SNX10: variants seen among roughly 807,000 people sequenced by gnomAD.
The protein encoded by SNX10 is sorting nexin 10, also known as sorting nexin-10.
SNX10 carries 25 observed loss-of-function variants against 28.5 expected under a neutral mutation model. That is an observed-to-expected ratio of 0.88 (90% confidence interval 0.64 to 1.22). The LOEUF is 1.22. SNX10 is among the 50% of genes most tolerant of loss of function. SNX10 has a pLI of 0.00. For missense variants in SNX10, 223 were observed against 242.6 expected (o/e 0.92, Z 0.54); for synonymous variants, 62 against 81.4 (o/e 0.76, Z 1.28).
At chr7:26,330,764 A>G (rs563865624) in intron 1 of SNX10, among the ~76,000 whole-genome samples, 1 of 152,276 alleles carries the variant, frequency 6.6e-6, no homozygotes, top group African/African-American at 2.4e-5. Flanking sequence ...ATGCACCTGT[A>G]GTCGCAGCTA....
intron 1 of SNX10, among the ~76,000 whole-genome samples, chr7:26,315,911 G>A (rs565287700): frequency 1.3e-5 from 2 of 151,772 alleles, no homozygotes; most frequent in Non-Finnish European, 2.9e-5. Context: ...GGCTGGGCGC[G>A]ATGGCTCACT....
intron 1 of SNX10, among the ~76,000 whole-genome samples, chr7:26,325,549 C>T (rs766322325): frequency 1.4e-5 from 2 of 146,204 alleles, no homozygotes; most frequent in Non-Finnish European, 3.0e-5. Context: ...CCTAACTTTC[C>T]TAACTTCAAG....
At chr7:26,297,492 G>A (rs1165267946) in intron 1 of SNX10, among the ~76,000 whole-genome samples, 1 of 152,168 alleles carries the variant, frequency 6.6e-6, no homozygotes, top group Non-Finnish European at 1.5e-5. Flanking sequence ...CTAATTTCAT[G>A]AAAGATTATA....
chr7:26,313,746 A>G (rs1224850988), intron 1 of SNX10, among the ~76,000 whole-genome samples: 1 of 152,088 alleles, frequency 6.6e-6, no homozygotes, highest in African/African-American at 2.4e-5. Context: ...TGTGAAATTG[A>G]GCCGTCATCA....
intron 2 of SNX10, among the ~76,000 whole-genome samples, chr7:26,357,454 A>G (rs1366999288): frequency 6.6e-6 from 1 of 151,990 alleles, no homozygotes; most frequent in African/African-American, 2.4e-5. Flanking sequence ...TTTGAAGATA[A>G]GCAGAGTGAA....
Position 26,313,187 on chromosome 7 carries a change from T to C in SNX10, c.-24+21101T>C, listed in dbSNP as rs1333562039. 2.0e-5 allele frequency among the ~76,000 whole-genome samples: 3 copies of C among 152,338 alleles called. No individual in the cohort carries two copies. The East Asian group carries it at 5.8e-4, about 29-fold the overall frequency. On this transcript the variant is annotated intron_variant, in intron 1 of 6. Coordinates refer to ENST00000338523, the MANE Select transcript of SNX10 (RefSeq NM_013322.3). ...AGAGAACGAGGCTAACTAAAAACCATTTAGCAGATACCTGCCCCCACTTTT... is the reference window on the plus strand; with the variant it reads ...AGAGAACGAGGCTAACTAAAAACCACTTAGCAGATACCTGCCCCCACTTTT...
intron 2 of SNX10, 84 bp downstream of exon 2, chr7:26,346,550 A>G (rs1774763125): frequency 1.9e-6 from 2 of 1,057,500 alleles, no homozygotes; most frequent in South Asian, 1.3e-5. Context: ...CCATAAACCC[A>G]TGGGTTGCTT....
chr7:26,348,850 T>C (rs1788490518), intron 2 of SNX10, among the ~76,000 whole-genome samples: 1 of 152,196 alleles, frequency 6.6e-6, no homozygotes, highest in Non-Finnish European at 1.5e-5. Context: ...TTACAGATGT[T>C]TTTTTCCACT....
chr7:26,305,779 A>G (rs1223302962), intron 1 of SNX10, among the ~76,000 whole-genome samples: 1 of 152,266 alleles, frequency 6.6e-6, no homozygotes, highest in African/African-American at 2.4e-5. Context: ...GACTTTGCCA[A>G]ACTGAGTCTG....
chr7:26,372,462 TA>T, intron 6 of SNX10, 28 bp from the exon 7 acceptor site: 1 of 1,453,082 alleles, frequency 6.9e-7, no homozygotes, highest in Non-Finnish European at 9.7e-7. Flanking sequence ...TTCCTCTTTT[TA>T]TTATTTTCCC....
intron 2 of SNX10, among the ~76,000 whole-genome samples, chr7:26,349,272 C>A (rs1562811003): frequency 6.6e-6 from 1 of 151,976 alleles, no homozygotes. Context: ...ATCCTCGTAA[C>A]AAGATTCATA....
chr7:26,328,958 T>G (rs1787616254), intron 1 of SNX10, among the ~76,000 whole-genome samples: 1 of 152,172 alleles, frequency 6.6e-6, no homozygotes, highest in Non-Finnish European at 1.5e-5. Context: ...TGTACACACC[T>G]CCACTGCTGC....
chr7:26,343,593 G>A (rs950096955), intron 1 of SNX10, among the ~76,000 whole-genome samples: 3 of 152,232 alleles, frequency 2.0e-5, no homozygotes, highest in African/African-American at 4.8e-5. Context: ...ATGGGGCAGA[G>A]AGCCCGGGAA....
chr7:26,329,606 GTTAGTTTGC>G lies in SNX10; in HGVS notation c.-23-16804_-23-16796del, dbSNP rs561828701. On this transcript the variant is annotated intron_variant, in intron 1 of 6. Transcript: ENST00000338523. ...AACCCTGGATTCCCACTCAACAAGC[GTTAGTTTGC>G]TTAGTTTGCATCCTCCTCCCTTTGT... Among the ~76,000 whole-genome samples the G allele has an allele frequency of 2.2e-3, 340 of 152,304 alleles. 2 individuals carry two copies. Among genetic ancestry groups the G allele is most frequent in the Middle Eastern group, 3.4e-3 (1 of 294 alleles).
chr7:26,373,214 T>C lies in SNX10; in HGVS notation c.*642T>C, dbSNP rs1789645949. On this transcript the variant is annotated 3_prime_UTR_variant, in exon 7 of 7. Coordinates refer to ENST00000338523, the MANE Select transcript of SNX10 (RefSeq NM_013322.3). The surrounding 1 kb of genome is among the most constrained non-coding windows in gnomAD (Gnocchi z 4.2). Reference sequence around the variant, plus strand: ...TACATCTTAGAAAAAACATAGATAGTGCTAGTAATATTACTTATAACTGTA... The same window carrying C: ...TACATCTTAGAAAAAACATAGATAGCGCTAGTAATATTACTTATAACTGTA... 2 of 152,136 alleles carry C rather than the reference T, an allele frequency of 1.3e-5. No homozygotes were observed. Among genetic ancestry groups the C allele is most frequent in the Non-Finnish European group, 1.5e-5 (1 of 67,960 alleles). The allele number at this position is 152,136 out of a possible 1,614,324, so 9.4% of individuals were successfully genotyped here. A position where few individuals can be genotyped will look rare whatever the true frequency, so the allele number is the denominator to read the frequency against.
chr7:26,313,626 T>C (rs1210785347), intron 1 of SNX10, among the ~76,000 whole-genome samples: 1 of 152,174 alleles, frequency 6.6e-6, no homozygotes, highest in Non-Finnish European at 1.5e-5. Flanking sequence ...GGCTAAAGTC[T>C]GTCCTTTTCC....
intron 1 of SNX10, among the ~76,000 whole-genome samples, chr7:26,311,290 C>T (rs1786830705): frequency 6.6e-6 from 1 of 152,240 alleles, no homozygotes; most frequent in African/African-American, 2.4e-5. Flanking sequence ...GCTGGGACTA[C>T]AGGCTTGCGC....
chr7:26,368,910 C>T (rs145515819), intron 5 of SNX10, among the ~76,000 whole-genome samples: 111 of 152,072 alleles, frequency 7.3e-4, no homozygotes, highest in Non-Finnish European at 1.2e-3. Flanking sequence ...TTCAGCAGAC[C>T]CAGGACATCC....
At position 26,364,940 on chromosome 7, in the gene SNX10, G is replaced by A. The variant is rs901704594; in HGVS notation, c.213-107G>A. ...GTATAATCATAATTATAGAATAACT[G>A]TGTGATAATAATCATCATACATAAT... is the stretch of plus-strand genomic sequence containing the variant. On this transcript the variant is annotated intron_variant, in intron 4 of 6. Coordinates refer to ENST00000338523, the MANE Select transcript of SNX10 (RefSeq NM_013322.3). This position sits in a 1 kb window ranked among gnomAD's most constrained non-coding sequence, Gnocchi z 4.9. The A allele has an allele frequency of 3.0e-6, 2 of 663,430 alleles. No homozygotes were observed. The highest frequency in any genetic ancestry group is 5.5e-6 in the Non-Finnish European group (2 of 365,018). The allele number at this position is 663,430 out of a possible 1,614,324, so 41.1% of individuals were successfully genotyped here.
Sources: gnomAD v4.1 joint callset for allele counts (sites outside exome capture counted in the v4.1 genomes callset) on GRCh38, gnomAD v4.1.1 for gene constraint, Gnocchi (gnomAD v3.1) non-coding constraint, MANE v1.5 for transcripts, NCBI Gene and HGNC (gene_info 2026-07-23, HGNC 2026-07-21) for gene names.